HDAC4: variants seen among roughly 807,000 people sequenced by gnomAD.
The protein encoded by HDAC4 is histone deacetylase A.
In HDAC4, 16 loss-of-function variants were observed where a neutral mutation model predicts 135.1. The ratio of observed to expected loss-of-function variants is 0.12; its 90% CI spans 0.08 to 0.18. The LOEUF is 0.18. Among genes scored for constraint, HDAC4 ranks in the 10% least tolerant of loss-of-function variants. The pLI is 1.00. For missense variants in HDAC4, 1,143 were observed against 1,511.8 expected, an observed-to-expected ratio of 0.76 and a Z score of 4.05; for synonymous variants, 685 against 653.4, an observed-to-expected ratio of 1.05 and a Z score of -0.74.
At chr2:239,342,272 G>A (rs1692343138) in intron 2 of HDAC4, among the ~76,000 whole-genome samples, 1 of 150,574 alleles carries the variant, frequency 6.6e-6, no homozygotes, top group Non-Finnish European at 1.5e-5. Context: ...TTTAGGGAAA[G>A]GCTCTGAAGA....
chr2:239,337,390 C>T (rs377102622), intron 2 of HDAC4, among the ~76,000 whole-genome samples: 3 of 152,172 alleles, frequency 2.0e-5, no homozygotes, highest in African/African-American at 7.2e-5. Context: ...CGCCACACAT[C>T]GCACCAATAC....
chr2:239,205,584 A>G (rs1050484580), intron 3 of HDAC4, among the ~76,000 whole-genome samples: 5 of 152,144 alleles, frequency 3.3e-5, no homozygotes. Context: ...TGGGCAGAGA[A>G]AGGGGGAGGG....
chr2:239,137,266 G>A lies in HDAC4; in HGVS notation c.978+2418C>T, dbSNP rs537696572. ...ATTCTGAGGCTGGCGCCCCCGGACC[G>A]CATCTCAGCATGTGCTCAGAGGGAA... is the stretch of plus-strand genomic sequence containing the variant. On this transcript the variant is annotated intron_variant, in intron 9 of 26. Transcript: ENST00000543185. Among the ~76,000 whole-genome samples the A allele has an allele frequency of 1.6e-4, 25 of 152,350 alleles. No homozygotes were observed. In the South Asian group the frequency reaches 4.3e-3, roughly 26 times the overall value.
chr2:239,387,343 C>A (rs1467446019), intron 1 of HDAC4, among the ~76,000 whole-genome samples: 1 of 152,230 alleles, frequency 6.6e-6, no homozygotes, highest in East Asian at 1.9e-4. Flanking sequence ...AGGCCACTTC[C>A]AGCCTCAGTC....
chr2:239,139,887 G>A lies in HDAC4; in HGVS notation c.866-91C>T. 3 of 996,790 alleles carry A rather than the reference G, an allele frequency of 3.0e-6. No homozygotes were observed. The highest frequency in any genetic ancestry group is 4.7e-6 in the Non-Finnish European group (3 of 631,758). 61.7% of individuals were successfully genotyped at this position (996,790 alleles called of 1,614,324 possible). Reference sequence around the variant, plus strand: ...GCCCGAATGCCCGGTGCCTTCCACGGACCTGCTCGTTAGCTTGCGACAGGC... The same window carrying A: ...GCCCGAATGCCCGGTGCCTTCCACGAACCTGCTCGTTAGCTTGCGACAGGC... On this transcript the variant is annotated intron_variant, in intron 8 of 26. Coordinates refer to ENST00000543185, the MANE Select transcript of HDAC4 (RefSeq NM_001378414.1). This position sits in a 1 kb window ranked among gnomAD's most constrained non-coding sequence, Gnocchi z 5.3.
Position 239,049,130 on chromosome 2 carries a change from T to C in HDAC4, c.*3967A>G, listed in dbSNP as rs528218180. ...CACATAAATACAATAAACTCTATTA[T>C]TGGTATGTCACAAGTGCTAGATAAA... On this transcript the variant is annotated 3_prime_UTR_variant, in exon 27 of 27. Transcript: ENST00000543185. 1 of 152,482 alleles carries C rather than the reference T, an allele frequency of 6.6e-6. No individual in the cohort carries two copies. Among genetic ancestry groups the C allele is most frequent in the East Asian group, 1.9e-4 (1 of 5,194 alleles). The allele number at this position is 152,482 out of a possible 1,614,324, so 9.4% of individuals were successfully genotyped here. A position where few individuals can be genotyped will look rare whatever the true frequency, so the allele number is the denominator to read the frequency against.
intron 2 of HDAC4, among the ~76,000 whole-genome samples, chr2:239,242,239 A>AGGGAGGGT (rs2048227078): frequency 9.1e-5 from 4 of 43,862 alleles, no homozygotes; most frequent in South Asian, 1.3e-3. Context: ...GAAGGGAGGG[A>AGGGAGGGT]GGGAGGGAGG....
At chr2:239,377,422 C>T (rs765239067) in intron 1 of HDAC4, among the ~76,000 whole-genome samples, 2 of 152,242 alleles carry the variant, frequency 1.3e-5, no homozygotes, top group African/African-American at 2.4e-5. Context: ...CAGCACCTGT[C>T]ACGAGGGCTG....
At chr2:239,394,482 C>T (rs1575807736) in intron 1 of HDAC4, among the ~76,000 whole-genome samples, 1 of 152,266 alleles carries the variant, frequency 6.6e-6, no homozygotes, top group Non-Finnish European at 1.5e-5. Flanking sequence ...GAACAAGCTG[C>T]ACACACCTGC....
At chr2:239,107,916 TGTG>T (rs1398404528) in intron 15 of HDAC4, 131 bp downstream of exon 15, 1 of 1,101,058 alleles carries the variant, frequency 9.1e-7, no homozygotes, top group Non-Finnish European at 1.3e-6. Context: ...TGAAGATGCT[TGTG>T]GCCCTTCCCC....
intron 2 of HDAC4, among the ~76,000 whole-genome samples, chr2:239,336,717 C>T (rs192785318): frequency 1.1e-4 from 16 of 152,348 alleles, no homozygotes; most frequent in Admixed American, 3.3e-4. Context: ...ATACCACCTG[C>T]ACATTCCCCG....
At chr2:239,087,056 C>T (rs1044068298) in intron 19 of HDAC4, among the ~76,000 whole-genome samples, 1 of 152,214 alleles carries the variant, frequency 6.6e-6, no homozygotes, top group Non-Finnish European at 1.5e-5. Flanking sequence ...CGCCACCCTG[C>T]CCAGATCCTC....
chr2:239,109,015 T>C (rs370619441), intron 14 of HDAC4, among the ~76,000 whole-genome samples: 6 of 152,196 alleles, frequency 3.9e-5, no homozygotes, highest in African/African-American at 1.4e-4. Context: ...GGGGAGAGTA[T>C]CTGACCTGTC....
chr2:239,144,850 C>T (rs368684145), intron 7 of HDAC4, 136 bp from the exon 8 acceptor site: 38 of 852,276 alleles, frequency 4.5e-5, no homozygotes, highest in Non-Finnish European at 6.6e-5. Flanking sequence ...CAGGGGAGAG[C>T]GCAGGGAGCT....
intron 5 of HDAC4, among the ~76,000 whole-genome samples, chr2:239,173,247 C>A (rs2043563343): frequency 6.6e-6 from 1 of 152,116 alleles, no homozygotes; most frequent in Non-Finnish European, 1.5e-5. Flanking sequence ...CAGTTGCAAT[C>A]ATACAAAATA....
chr2:239,369,825 A>C (rs143973529), intron 1 of HDAC4, among the ~76,000 whole-genome samples: 290 of 152,294 alleles, frequency 1.9e-3, no homozygotes, highest in African/African-American at 6.7e-3. Context: ...GGAAATGAAG[A>C]GCTTAAAGGA....
intron 2 of HDAC4, among the ~76,000 whole-genome samples, chr2:239,337,583 G>A (rs1200466035): frequency 2.0e-5 from 3 of 152,156 alleles, no homozygotes; most frequent in Admixed American, 6.5e-5. Context: ...TCAGATGGCC[G>A]CTGCTGGGTT....
chr2:239,176,531 C>T lies in HDAC4; in HGVS notation c.372G>A (p.Gln124=). 6.2e-7 allele frequency: 1 copy of T among 1,613,390 alleles called. No homozygotes were observed. The highest frequency in any genetic ancestry group is 8.5e-7 in the Non-Finnish European group (1 of 1,179,866). ...TCCGCTGGTGTTCCAGCAGCTCCTG[C>T]TGGTGCTTCATGGCCAGCATCTCCT... ...QQQEMLAMKH[Q]QELLEHQRKL... Residue 124 remains glutamine, a synonymous_variant, in exon 5 of 27, where the codon CAG becomes CAA. Transcript: ENST00000543185.
intron 3 of HDAC4, among the ~76,000 whole-genome samples, chr2:239,232,927 G>GCAAGCCAAGGGTGGCCCTTCCCTCAC (rs1286221778): frequency 2.8e-5 from 1 of 35,978 alleles, no homozygotes; most frequent in African/African-American, 1.1e-4. Context: ...CTTCCCCTCA[G>GCAAGCCAAGGGTGGCCCTTCCCTCAC]CAAGCCAAGG....
Sources: gnomAD v4.1 joint callset for allele counts (sites outside exome capture counted in the v4.1 genomes callset) on GRCh38, gnomAD v4.1.1 for gene constraint, Gnocchi (gnomAD v3.1) non-coding constraint, MANE v1.5 for transcripts, NCBI Gene and HGNC (gene_info 2026-07-23, HGNC 2026-07-21) for gene names.